Variants in KIRREL3 observed in about 807,000 individuals in gnomAD.
The protein encoded by KIRREL3 is kin of IRRE-like protein 3.
KIRREL3 carries 36 observed loss-of-function variants against 89.7 expected under a neutral mutation model. The observed-to-expected ratio is 0.40, with a 90% CI of 0.31 to 0.53. The LOEUF (loss-of-function observed/expected upper bound fraction) is 0.53. KIRREL3 is among the 20% of genes least tolerant of loss of function. The pLI, the probability that KIRREL3 is intolerant of heterozygous loss-of-function variation, is 0.49. For synonymous variants in KIRREL3, 445 were observed against 441.4 expected, an observed-to-expected ratio of 1.01 and a Z score of -0.10; for missense variants, 864 against 1,056.6, an observed-to-expected ratio of 0.82 and a Z score of 2.53.
chr11:126,456,568 C>G lies in KIRREL3; in HGVS notation c.743-114G>C, dbSNP rs1956351512. 4.3e-6 allele frequency: 3 copies of G among 691,774 alleles called. No individual in the cohort carries two copies. The East Asian group carries it at 8.3e-5, about 19-fold the overall frequency. The allele number at this position is 691,774 out of a possible 1,614,324, so 42.9% of individuals were successfully genotyped here. On this transcript the variant is annotated intron_variant, in intron 6 of 16. Coordinates refer to ENST00000525144, the MANE Select transcript of KIRREL3 (RefSeq NM_032531.4). ...CACCACCCAGGGACCCTCAGAGCAGCCCCCGCCCTGGTGGTCTTCAGGAAG... is the reference window on the plus strand; with the variant it reads ...CACCACCCAGGGACCCTCAGAGCAGGCCCCGCCCTGGTGGTCTTCAGGAAG...
intron 1 of KIRREL3, among the ~76,000 whole-genome samples, chr11:126,916,243 C>T (rs1041288493): frequency 1.3e-5 from 2 of 152,232 alleles, no homozygotes; most frequent in Admixed American, 1.3e-4. Flanking sequence ...TTTCAGATCA[C>T]CTGAGTCTCA....
At chr11:126,514,099 C>G (rs1958323099) in intron 4 of KIRREL3, among the ~76,000 whole-genome samples, 1 of 152,016 alleles carries the variant, frequency 6.6e-6, no homozygotes, top group African/African-American at 2.4e-5. Flanking sequence ...AGGAAGGGAG[C>G]TGGGAGCGAG....
Position 126,791,512 on chromosome 11 carries a change from C to T in KIRREL3, c.55+208943G>A, listed in dbSNP as rs1405808031. On this transcript the variant is annotated intron_variant, in intron 1 of 16. Coordinates refer to ENST00000525144, the MANE Select transcript of KIRREL3 (RefSeq NM_032531.4). The surrounding 1 kb of genome is among the most constrained non-coding windows in gnomAD (Gnocchi z 4.8). ...GTGCAGATCCATCTCCTTTTCTTGC[C>T]CTTCTTTCCAAAGAAATGAATTCAC... Among the ~76,000 whole-genome samples the T allele has an allele frequency of 1.3e-5, 2 of 152,178 alleles. No homozygotes were observed. The highest frequency in any genetic ancestry group is 4.8e-5 in the African/African-American group (2 of 41,436).
Position 126,527,031 on chromosome 11 carries a change from G to C in KIRREL3, c.134-344C>G, listed in dbSNP as rs1378141035. On this transcript the variant is annotated intron_variant, in intron 2 of 16. Coordinates refer to ENST00000525144, the MANE Select transcript of KIRREL3 (RefSeq NM_032531.4). The surrounding 1 kb of genome is among the most constrained non-coding windows in gnomAD (Gnocchi z 4.2). Reference sequence around the variant, plus strand: ...GCTCCTACTTAATGCCATGTGCTGGGCATGCAGTCCCACACCAGGGCAGAA... The same window carrying C: ...GCTCCTACTTAATGCCATGTGCTGGCCATGCAGTCCCACACCAGGGCAGAA... Among the ~76,000 whole-genome samples, 1 of 152,236 alleles carries C rather than the reference G, an allele frequency of 6.6e-6. No homozygotes were observed. Among genetic ancestry groups the C allele is most frequent in the Non-Finnish European group, 1.5e-5 (1 of 68,042 alleles).
chr11:126,814,581 T>C lies in KIRREL3; in HGVS notation c.55+185874A>G, dbSNP rs1055038262. Reference sequence around the variant, plus strand: ...GATACATATACACCATGGAATACTATGCAGCCATAAAAAGGAATGAGATCA... The same window carrying C: ...GATACATATACACCATGGAATACTACGCAGCCATAAAAAGGAATGAGATCA... On this transcript the variant is annotated intron_variant, in intron 1 of 16. Transcript: ENST00000525144. The surrounding 1 kb of genome is among the most constrained non-coding windows in gnomAD (Gnocchi z 4.4). Among the ~76,000 whole-genome samples the C allele has an allele frequency of 2.0e-5, 3 of 152,196 alleles. No homozygotes were observed. Among genetic ancestry groups the C allele is most frequent in the African/African-American group, 7.2e-5 (3 of 41,446 alleles).
rs1592148475 is a variant in KIRREL3 at position 126,801,971 on chromosome 11, A to G, written c.55+198484T>C. ...TGAATCAGTATCCTAAAATCTAAGA[A>G]AAGCAAAAGTAAGATTTCACCTCAC... On this transcript the variant is annotated intron_variant, in intron 1 of 16. Coordinates refer to ENST00000525144, the MANE Select transcript of KIRREL3 (RefSeq NM_032531.4). 2.0e-5 allele frequency among the ~76,000 whole-genome samples: 3 copies of G among 152,296 alleles called. No homozygotes were observed. In the South Asian group the frequency reaches 6.2e-4, roughly 32 times the overall value.
rs748531446 is a variant in KIRREL3, at chr11:126,987,782, C to T, written c.55+12673G>A. ...ATTCGATCTAAAGGAGCTTTGAAAA[C>T]GTCAAAGAACTTTCATGTTTTGCTA... On this transcript the variant is annotated intron_variant, in intron 1 of 16. Transcript: ENST00000525144. This position sits in a 1 kb window ranked among gnomAD's most constrained non-coding sequence, Gnocchi z 4.6. Among the ~76,000 whole-genome samples the T allele has an allele frequency of 6.6e-6, 1 of 152,176 alleles. No individual in the cohort carries two copies. Among genetic ancestry groups the T allele is most frequent in the Admixed American group, 6.5e-5 (1 of 15,272 alleles).
chr11:126,957,525 C>T (rs963948828), intron 1 of KIRREL3, among the ~76,000 whole-genome samples: 4 of 152,200 alleles, frequency 2.6e-5, no homozygotes, highest in Admixed American at 6.5e-5. Context: ...TGATATTCAG[C>T]GTCCTCAAGA....
Position 126,694,640 on chromosome 11 carries a change from T to A in KIRREL3, c.56-131728A>T, listed in dbSNP as rs1947014157. Among the ~76,000 whole-genome samples the A allele has an allele frequency of 6.6e-6, 1 of 152,190 alleles. No individual in the cohort carries two copies. The highest frequency in any genetic ancestry group is 1.5e-5 in the Non-Finnish European group (1 of 68,030). On this transcript the variant is annotated intron_variant, in intron 1 of 16. Coordinates refer to ENST00000525144, the MANE Select transcript of KIRREL3 (RefSeq NM_032531.4). This position sits in a 1 kb window ranked among gnomAD's most constrained non-coding sequence, Gnocchi z 4.4. ...GTGACAAATCAAACTTTAATCTGGC[T>A]CTGCTGTAAGCATTGTGACCTTAGG...
intron 1 of KIRREL3, among the ~76,000 whole-genome samples, chr11:126,595,363 G>A (rs1942347157): frequency 6.6e-6 from 1 of 152,212 alleles, no homozygotes; most frequent in African/African-American, 2.4e-5. Context: ...GCAAAGTGGA[G>A]CCCAGCAGGC....
intron 1 of KIRREL3, among the ~76,000 whole-genome samples, chr11:126,988,185 T>C (rs1949926123): frequency 6.6e-6 from 1 of 152,202 alleles, no homozygotes; most frequent in South Asian, 2.1e-4. Context: ...ATTTATTTCT[T>C]AATCCACTGA....
chr11:126,460,654 T>C (rs1244179976), intron 6 of KIRREL3, among the ~76,000 whole-genome samples: 4 of 152,200 alleles, frequency 2.6e-5, no homozygotes, highest in Admixed American at 6.5e-5. Context: ...CCCAGAGGCC[T>C]GGCAAGACCC....
intron 1 of KIRREL3, among the ~76,000 whole-genome samples, chr11:126,600,374 A>G (rs891908344): frequency 1.3e-5 from 2 of 152,240 alleles, no homozygotes; most frequent in African/African-American, 4.8e-5. Context: ...CAGATTCTTG[A>G]CCCACATATA....
Position 126,555,763 on chromosome 11 carries a change from C to T in KIRREL3, c.133+7072G>A, listed in dbSNP as rs187666404. Among the ~76,000 whole-genome samples, 7 of 145,414 alleles carry T rather than the reference C, an allele frequency of 4.8e-5. No individual in the cohort carries two copies. The highest frequency in any genetic ancestry group is 1.8e-4 in the African/African-American group (7 of 39,518). On this transcript the variant is annotated intron_variant, in intron 2 of 16. Coordinates refer to ENST00000525144, the MANE Select transcript of KIRREL3 (RefSeq NM_032531.4). This position sits in a 1 kb window ranked among gnomAD's most constrained non-coding sequence, Gnocchi z 4.2. ...GTGAGCATTTTTTTTTTTTTTGAGA[C>T]GGAGTCTCCCTCTATCACTCAGGCT...
rs1944968758 is a variant in KIRREL3 at position 126,867,669 on chromosome 11, G to T, written c.55+132786C>A. On this transcript the variant is annotated intron_variant, in intron 1 of 16. Coordinates refer to ENST00000525144, the MANE Select transcript of KIRREL3 (RefSeq NM_032531.4). The surrounding 1 kb of genome is among the most constrained non-coding windows in gnomAD (Gnocchi z 4.7). ...GTGCTGGTAATATTTCCAGGTGAAA[G>T]AAATGAAGGCACAGCCTCTCTTGGA... 1.3e-5 allele frequency among the ~76,000 whole-genome samples: 2 copies of T among 152,194 alleles called. No homozygotes were observed. The highest frequency in any genetic ancestry group is 1.3e-4 in the Admixed American group (2 of 15,286).
At chr11:126,825,178 A>G (rs1943364081) in intron 1 of KIRREL3, among the ~76,000 whole-genome samples, 2 of 152,152 alleles carry the variant, frequency 1.3e-5, no homozygotes, top group Admixed American at 1.3e-4. Flanking sequence ...ATGTGGCTGT[A>G]TGTAGACCAA....
rs1228040022 is a variant in KIRREL3 at position 126,501,825 on chromosome 11, AG to A, written c.433+19489del. ...CCCACCCACATTGTGAGCTCCCTGA[AG>A]GCAGGTCCATGTCTGGGGTGGGCCA... On this transcript the variant is annotated intron_variant, in intron 4 of 16. Transcript: ENST00000525144. The surrounding 1 kb of genome is among the most constrained non-coding windows in gnomAD (Gnocchi z 5.8). 6.6e-6 allele frequency among the ~76,000 whole-genome samples: 1 copy of A among 152,110 alleles called. No individual in the cohort carries two copies. The highest frequency in any genetic ancestry group is 2.4e-5 in the African/African-American group (1 of 41,422).
At chr11:126,597,586 A>G (rs1942457835) in intron 1 of KIRREL3, among the ~76,000 whole-genome samples, 1 of 152,176 alleles carries the variant, frequency 6.6e-6, no homozygotes, top group Admixed American at 6.5e-5. Context: ...CGTCAGCTTC[A>G]CAGTTCCCAC....
intron 1 of KIRREL3, among the ~76,000 whole-genome samples, chr11:126,660,402 C>G (rs1264480540): frequency 6.6e-6 from 1 of 152,258 alleles, no homozygotes. Flanking sequence ...CATGTTCACA[C>G]TGACGTGCAT....
Sources: allele counts gnomAD v4.1 joint callset (sites outside exome capture counted in the v4.1 genomes callset), GRCh38; gene constraint gnomAD v4.1.1; non-coding constraint Gnocchi (gnomAD v3.1); transcripts MANE v1.5; gene names NCBI Gene and HGNC (gene_info 2026-07-23, HGNC 2026-07-21).